FRS2: variants seen among roughly 807,000 people sequenced by gnomAD.
The protein encoded by FRS2 is FGFR signalling adaptor.
In FRS2, 8 loss-of-function variants were observed where a neutral mutation model predicts 43.9. That is an observed-to-expected ratio of 0.18 (90% confidence interval 0.11 to 0.33). FRS2 has a LOEUF of 0.33. Ranked by LOEUF, FRS2 falls within the 10% of genes least tolerant of loss-of-function variation. The probability of loss-of-function intolerance (pLI) is 1.00; values close to 1 mark genes in which losing one functional copy is unlikely to be tolerated. For synonymous variants in FRS2, 219 were observed against 220.3 expected (o/e 0.99, Z 0.05); for missense variants, 534 against 627.6 (o/e 0.85, Z 1.59).
chr12:69,495,763 G>C (rs772447893), intron 1 of FRS2, among the ~76,000 whole-genome samples: 2 of 152,122 alleles, frequency 1.3e-5, no homozygotes, highest in African/African-American at 2.4e-5. Flanking sequence ...TTAGCTGGCT[G>C]TGGTGGTGCA....
At chr12:69,541,724 C>T (rs1347197805) in intron 3 of FRS2, among the ~76,000 whole-genome samples, 1 of 150,510 alleles carries the variant, frequency 6.6e-6, no homozygotes, top group Non-Finnish European at 1.5e-5. Flanking sequence ...ACTCGGGAGA[C>T]TGAGGCAGGA....
intron 1 of FRS2, among the ~76,000 whole-genome samples, chr12:69,521,764 G>A (rs1363982882): frequency 3.9e-5 from 6 of 152,018 alleles, no homozygotes; most frequent in African/African-American, 7.2e-5. Flanking sequence ...ACAGGTGCCC[G>A]CCACCGCACC....
At chr12:69,493,339 A>G (rs926612854) in intron 1 of FRS2, among the ~76,000 whole-genome samples, 3 of 152,200 alleles carry the variant, frequency 2.0e-5, no homozygotes, top group South Asian at 2.1e-4. Flanking sequence ...CAGGGATTTG[A>G]TAAGCTCCCA....
chr12:69,577,424 C>T lies in FRS2; in HGVS notation c.*2469C>T, dbSNP rs1006526101. The T allele has an allele frequency of 6.6e-6, 1 of 152,048 alleles. No individual in the cohort carries two copies. The highest frequency in any genetic ancestry group is 2.4e-5 in the African/African-American group (1 of 41,400). 9.4% of individuals were successfully genotyped at this position (152,048 alleles called of 1,614,324 possible). A position where few individuals can be genotyped will look rare whatever the true frequency, so the allele number is the denominator to read the frequency against. ...TTAAGCTGTGTCCTCGAAGGATGTA[C>T]CTATTACTAGGTGCATTTTAGAATG... On this transcript the variant is annotated 3_prime_UTR_variant, in exon 9 of 9. Transcript: ENST00000549921.
At position 69,536,101 on chromosome 12, in the gene FRS2, CTTTTTTTTTTTTTTTTTTTTTTTT is replaced by C. The variant is rs71094720; in HGVS notation, c.-122+4062_-122+4085del. Among the ~76,000 whole-genome samples the C allele has an allele frequency of 2.7e-4, 10 of 37,176 alleles. No homozygotes were observed. The South Asian group carries it at 3.9e-3, about 14-fold the overall frequency. The allele number at this position is 37,176 out of a possible 152,430, so 24.4% of individuals were successfully genotyped here. A position where few individuals can be genotyped will look rare whatever the true frequency, so the allele number is the denominator to read the frequency against. On this transcript the variant is annotated intron_variant, in intron 3 of 8. Coordinates refer to ENST00000549921, the MANE Select transcript of FRS2 (RefSeq NM_001278356.2). ...TTTTGGTTACTGTAGTATTTTCATT[CTTTTTTTTTTTTTTTTTTTTTTTT>C]TTTTTTTTTTTTTTTTGGAGACGAA...
chr12:69,487,453 T>C (rs928608519), intron 1 of FRS2, among the ~76,000 whole-genome samples: 1 of 152,218 alleles, frequency 6.6e-6, no homozygotes, highest in Non-Finnish European at 1.5e-5. Context: ...CACATCTCTT[T>C]ACAGCATGGT....
At chr12:69,533,645 G>A (rs1877014585) in intron 3 of FRS2, among the ~76,000 whole-genome samples, 4 of 152,068 alleles carry the variant, frequency 2.6e-5, no homozygotes, top group South Asian at 2.1e-4. Context: ...CACCACGCCT[G>A]GCCATATTTC....
At chr12:69,515,601 A>T (rs1484802965) in intron 1 of FRS2, among the ~76,000 whole-genome samples, 1 of 152,138 alleles carries the variant, frequency 6.6e-6, no homozygotes, top group East Asian at 1.9e-4. Flanking sequence ...ACATACACAT[A>T]CTCACACCCA....
intron 3 of FRS2, among the ~76,000 whole-genome samples, chr12:69,534,726 A>T (rs189271466): frequency 6.6e-6 from 1 of 152,292 alleles, no homozygotes; most frequent in Admixed American, 6.5e-5. Context: ...AGAAACTACA[A>T]GTCTGAGCGC....
chr12:69,517,186 C>T (rs1259958336), intron 1 of FRS2, among the ~76,000 whole-genome samples: 4 of 152,286 alleles, frequency 2.6e-5, no homozygotes, highest in South Asian at 2.1e-4. Context: ...AGATTGTCCA[C>T]GTGGGTGGCT....
intron 1 of FRS2, among the ~76,000 whole-genome samples, chr12:69,499,250 A>G (rs901733378): frequency 2.0e-5 from 3 of 152,184 alleles, no homozygotes; most frequent in Non-Finnish European, 4.4e-5. Context: ...GTATTGGACA[A>G]TGACCTTTGC....
chr12:69,477,287 T>C (rs1870883548), intron 1 of FRS2, among the ~76,000 whole-genome samples: 1 of 147,524 alleles, frequency 6.8e-6, no homozygotes, highest in Admixed American at 6.7e-5. Context: ...TTTTTTTTTT[T>C]TTTTTTGGTT....
At chr12:69,554,095 CTGTG>C in intron 3 of FRS2, among the ~76,000 whole-genome samples, 1 of 152,202 alleles carries the variant, frequency 6.6e-6, no homozygotes, top group East Asian at 1.9e-4. Context: ...CCCTTGGCCA[CTGTG>C]TTCTTCACAG....
intron 4 of FRS2, among the ~76,000 whole-genome samples, chr12:69,563,265 A>G (rs1449413737): frequency 1.3e-5 from 2 of 152,080 alleles, no homozygotes; most frequent in Non-Finnish European, 2.9e-5. Flanking sequence ...GTGGTTTAGG[A>G]GAAAGAATCA....
rs1384719366 is a variant in FRS2 at position 69,577,390 on chromosome 12, T to C, written c.*2435T>C. On this transcript the variant is annotated 3_prime_UTR_variant, in exon 9 of 9. Coordinates refer to ENST00000549921, the MANE Select transcript of FRS2 (RefSeq NM_001278356.2). ...CTACTTGTCCTTTGCAGTAGTTTAGTAATGGGCATTAAGCTGTGTCCTCGA... is the reference window on the plus strand; with the variant it reads ...CTACTTGTCCTTTGCAGTAGTTTAGCAATGGGCATTAAGCTGTGTCCTCGA... 6.6e-6 allele frequency: 1 copy of C among 152,172 alleles called. No homozygotes were observed. The highest frequency in any genetic ancestry group is 2.4e-5 in the African/African-American group (1 of 41,458). The allele number at this position is 152,172 out of a possible 1,614,324, so 9.4% of individuals were successfully genotyped here.
chr12:69,521,715 C>T (rs1169885939), intron 1 of FRS2, among the ~76,000 whole-genome samples: 1 of 151,668 alleles, frequency 6.6e-6, no homozygotes, highest in Admixed American at 6.6e-5. Context: ...CCCGGGTTCA[C>T]GCCATTCTCC....
chr12:69,517,231 T>G (rs1385352949), intron 1 of FRS2, among the ~76,000 whole-genome samples: 44 of 152,236 alleles, frequency 2.9e-4, no homozygotes, highest in Admixed American at 2.9e-3. Context: ...GATGGTTCAA[T>G]GTATATACAA....
At chr12:69,553,305 T>A (rs1283408926) in intron 3 of FRS2, among the ~76,000 whole-genome samples, 3 of 151,970 alleles carry the variant, frequency 2.0e-5, no homozygotes, top group Non-Finnish European at 4.4e-5. Context: ...ACTGCTCACC[T>A]CATGATCCGC....
intron 5 of FRS2, 49 bp downstream of exon 5, chr12:69,569,145 C>A: frequency 9.3e-7 from 1 of 1,075,106 alleles, no homozygotes; most frequent in Non-Finnish European, 1.4e-6. Context: ...GTTGGGTGTT[C>A]TTCTTTTATT....
Sources: allele counts gnomAD v4.1 joint callset (sites outside exome capture counted in the v4.1 genomes callset), GRCh38; gene constraint gnomAD v4.1.1; transcripts MANE v1.5; gene names NCBI Gene and HGNC (gene_info 2026-07-23, HGNC 2026-07-21).